The following CPNE8 variants were observed in gnomAD, a reference collection of about 807,000 sequenced individuals.
CPNE8 encodes copine 8, also known as copine-8.
A neutral mutation model predicts 81.5 loss-of-function variants in CPNE8; 45 were observed. The observed-to-expected ratio is 0.55, with a 90% CI of 0.44 to 0.71. CPNE8 has a LOEUF of 0.71. Ranked by LOEUF, CPNE8 falls within the 30% of genes least tolerant of loss-of-function variation. CPNE8 has a pLI of 0.00. For synonymous variants in CPNE8, 252 were observed against 226.3 expected (o/e 1.11, Z -1.02); for missense variants, 594 against 672.1 (o/e 0.88, Z 1.28).
At chr12:38,806,353 A>G (rs7978766) in intron 6 of CPNE8, among the ~76,000 whole-genome samples, 51,760 of 148,680 alleles carry the variant, frequency 0.35, 11,974 homozygotes, top group Non-Finnish European at 0.46. Flanking sequence ...AAAATCCTCA[A>G]TAAAATACTG....
intron 11 of CPNE8, among the ~76,000 whole-genome samples, chr12:38,728,518 T>A (rs1940757004): frequency 6.6e-6 from 1 of 152,002 alleles, no homozygotes; most frequent in Non-Finnish European, 1.5e-5. Flanking sequence ...TGAAGATTTG[T>A]CAACTGAGAT....
In CPNE8 at chr12:38,818,973, T is replaced by C. The variant is rs901290456; in HGVS notation, c.407+10406A>G. On this transcript the variant is annotated intron_variant, in intron 6 of 19. Transcript: ENST00000331366. Reference sequence around the variant, plus strand: ...TTCACATACTTTGCCCACTTTTTGATAGGGTTGTTTGATTTTTTCTTGTAA... The same window carrying C: ...TTCACATACTTTGCCCACTTTTTGACAGGGTTGTTTGATTTTTTCTTGTAA... Among the ~76,000 whole-genome samples the C allele has an allele frequency of 5.9e-5, 9 of 152,356 alleles. No homozygotes were observed. In the South Asian group the frequency reaches 1.4e-3, roughly 25 times the overall value.
intron 10 of CPNE8, among the ~76,000 whole-genome samples, chr12:38,756,138 T>C (rs1941454796): frequency 6.6e-6 from 1 of 152,074 alleles, no homozygotes; most frequent in Non-Finnish European, 1.5e-5. Context: ...TCAACAGCAT[T>C]ACCACATTTT....
intron 6 of CPNE8, among the ~76,000 whole-genome samples, chr12:38,783,913 G>A (rs1396667645): frequency 6.6e-6 from 1 of 152,166 alleles, no homozygotes; most frequent in Non-Finnish European, 1.5e-5. Flanking sequence ...AACAAGCCCA[G>A]ACAGTGAAGA....
intron 10 of CPNE8, among the ~76,000 whole-genome samples, chr12:38,735,037 T>G (rs2069210): frequency 6.6e-6 from 1 of 152,030 alleles, no homozygotes; most frequent in Admixed American, 6.6e-5. Context: ...AAACAAATTG[T>G]ATGTGAAAGA....
At chr12:38,751,744 G>A (rs995234171) in intron 10 of CPNE8, among the ~76,000 whole-genome samples, 1 of 149,700 alleles carries the variant, frequency 6.7e-6, no homozygotes, top group Non-Finnish European at 1.5e-5. Flanking sequence ...TAACTCAGAT[G>A]TTTTTGACAG....
chr12:38,683,767 T>A (rs1358978117), intron 16 of CPNE8, among the ~76,000 whole-genome samples: 1 of 152,098 alleles, frequency 6.6e-6, no homozygotes, highest in African/African-American at 2.4e-5. Flanking sequence ...CTTAATTTTC[T>A]CATGTAAAAA....
chr12:38,836,615 G>A (rs545995990), intron 5 of CPNE8, among the ~76,000 whole-genome samples: 22 of 152,238 alleles, frequency 1.4e-4, no homozygotes, highest in African/African-American at 4.8e-4. Context: ...AAATAAGTAA[G>A]TGCCTTTATG....
intron 15 of CPNE8, among the ~76,000 whole-genome samples, chr12:38,691,713 A>G (rs1270497905): frequency 6.6e-6 from 1 of 152,156 alleles, no homozygotes; most frequent in East Asian, 1.9e-4. Context: ...TACACAATAG[A>G]AAAGTACTTC....
intron 13 of CPNE8, among the ~76,000 whole-genome samples, chr12:38,708,178 G>T (rs1353954398): frequency 6.6e-6 from 1 of 152,004 alleles, no homozygotes; most frequent in Admixed American, 6.6e-5. Context: ...AATATTAACT[G>T]ATAAAAAATT....
At chr12:38,813,799 CAG>C (rs1214564269) in intron 6 of CPNE8, among the ~76,000 whole-genome samples, 1 of 152,156 alleles carries the variant, frequency 6.6e-6, no homozygotes, top group Non-Finnish European at 1.5e-5. Flanking sequence ...CTGCGAAAGA[CAG>C]TGTGAAAACT....
chr12:38,879,091 T>A (rs777724247), intron 1 of CPNE8, among the ~76,000 whole-genome samples: 35 of 152,200 alleles, frequency 2.3e-4, no homozygotes, highest in Non-Finnish European at 4.3e-4. Context: ...TAAATATATG[T>A]CCTGAAATAA....
chr12:38,855,761 T>C (rs1943721381), intron 3 of CPNE8, among the ~76,000 whole-genome samples: 1 of 152,164 alleles, frequency 6.6e-6, no homozygotes, highest in African/African-American at 2.4e-5. Flanking sequence ...GGTGAGGTAC[T>C]GGATTTCTTA....
chr12:38,719,887 T>C (rs1940512774), intron 13 of CPNE8, among the ~76,000 whole-genome samples: 1 of 152,220 alleles, frequency 6.6e-6, no homozygotes, highest in Non-Finnish European at 1.5e-5. Flanking sequence ...TTCATATCCT[T>C]TACAAATAAT....
chr12:38,736,261 C>G (rs1329787012), intron 10 of CPNE8, among the ~76,000 whole-genome samples: 2 of 128,522 alleles, frequency 1.6e-5, no homozygotes, highest in South Asian at 2.4e-4. Context: ...TTCTATAATT[C>G]TAAATTTTAG....
chr12:38,750,222 C>A (rs372552542), intron 10 of CPNE8, among the ~76,000 whole-genome samples: 2 of 152,184 alleles, frequency 1.3e-5, no homozygotes, highest in East Asian at 3.9e-4. Context: ...GGAACCTCTG[C>A]TTAGATTTCA....
chr12:38,899,272 G>C (rs1192660309), intron 1 of CPNE8, among the ~76,000 whole-genome samples: 1 of 152,106 alleles, frequency 6.6e-6, no homozygotes, highest in African/African-American at 2.4e-5. Flanking sequence ...TGATGATGGT[G>C]CCTGCCCTTA....
chr12:38,776,698 A>G (rs550402996), intron 6 of CPNE8, among the ~76,000 whole-genome samples: 6 of 152,246 alleles, frequency 3.9e-5, no homozygotes, highest in African/African-American at 1.4e-4. Flanking sequence ...CTAATATATA[A>G]TAAAATATAA....
chr12:38,668,078 C>A (rs1319434449), intron 19 of CPNE8, among the ~76,000 whole-genome samples: 1 of 152,206 alleles, frequency 6.6e-6, no homozygotes, highest in African/African-American at 2.4e-5. Context: ...GGATTACAGG[C>A]ATGAGCCACT....
Sources: allele counts gnomAD v4.1 joint callset (sites outside exome capture counted in the v4.1 genomes callset), GRCh38; gene constraint gnomAD v4.1.1; transcripts MANE v1.5; gene names NCBI Gene and HGNC (gene_info 2026-07-23, HGNC 2026-07-21).